The following LARS2 variants were observed in gnomAD, a reference collection of about 807,000 sequenced individuals.
The protein encoded by LARS2 is leucine--tRNA ligase, mitochondrial.
A neutral mutation model predicts 116.6 loss-of-function variants in LARS2; 81 were observed. That is an observed-to-expected ratio of 0.69 (90% CI 0.58 to 0.84). The LOEUF is 0.84. Ranked by LOEUF, LARS2 falls within the 40% of genes least tolerant of loss-of-function variation. The pLI, the probability that LARS2 is intolerant of heterozygous loss-of-function variation, is 0.00. For missense variants in LARS2, 968 were observed against 1,114.5 expected (o/e 0.87, Z 1.87); for synonymous variants, 396 against 407.2 (o/e 0.97, Z 0.33).
At chr3:45,392,866 A>C (rs1697979634) in intron 2 of LARS2, among the ~76,000 whole-genome samples, 1 of 152,200 alleles carries the variant, frequency 6.6e-6, no homozygotes, top group South Asian at 2.1e-4. Context: ...ATCAGCTTAG[A>C]GTGCCGGGTT....
At position 45,547,438 on chromosome 3, in the gene LARS2, G is replaced by A. The variant is rs142215302; in HGVS notation, c.2620G>A (p.Glu874Lys). The part of the protein sequence containing the change: ...DKVHEFVLQS[E>K]LGVRLLQGRS... ...AGTCCACGAATTTGTTCTTCAAAGCGAGCTGGGTGTCAGGCTTTTGCAAGG... is the reference window on the plus strand; with the variant it reads ...AGTCCACGAATTTGTTCTTCAAAGCAAGCTGGGTGTCAGGCTTTTGCAAGG... The change falls in exon 22 of 22, where the codon GAG (glutamate) becomes AAG (lysine). Residue 874 changes from glutamate (E) to lysine (K), a missense_variant. Physicochemically the swap from Glu to Lys is moderately conservative, Grantham distance 56. Coordinates refer to ENST00000645846, the MANE Select transcript of LARS2 (RefSeq NM_015340.4). The A allele has an allele frequency of 2.0e-4, 321 of 1,613,854 alleles. 1 individual carries two copies. The Middle Eastern group carries it at 5.6e-3, about 28-fold the overall frequency.
intron 15 of LARS2, chr3:45,509,600 A>T (rs1700253053): frequency 6.6e-6 from 1 of 152,074 alleles, no homozygotes; most frequent in African/African-American, 2.4e-5. Context: ...GTACCCAATT[A>T]TCATGTAAAT....
intron 13 of LARS2, among the ~76,000 whole-genome samples, chr3:45,494,976 G>A (rs1180890403): frequency 6.6e-6 from 1 of 152,188 alleles, no homozygotes; most frequent in Non-Finnish European, 1.5e-5. Flanking sequence ...GCTGAGGCAG[G>A]AGAATTGCTT....
At chr3:45,516,510 G>C (rs1471791989) in intron 17 of LARS2, among the ~76,000 whole-genome samples, 2 of 152,208 alleles carry the variant, frequency 1.3e-5, no homozygotes, top group Non-Finnish European at 2.9e-5. Flanking sequence ...AGATTCCAGT[G>C]CTCCGCCCAT....
chr3:45,447,025 T>C (rs1575260794), intron 7 of LARS2, 45 bp downstream of exon 7: 1 of 1,149,598 alleles, frequency 8.7e-7, no homozygotes, highest in Non-Finnish European at 1.3e-6. Context: ...TGAATCTCTT[T>C]AGGATACATC....
chr3:45,536,088 A>G (rs1308522949), intron 20 of LARS2, among the ~76,000 whole-genome samples: 2 of 152,046 alleles, frequency 1.3e-5, no homozygotes, highest in Non-Finnish European at 2.9e-5. Flanking sequence ...GGGAGGAAGG[A>G]ATTTATTTCC....
intron 6 of LARS2, among the ~76,000 whole-genome samples, chr3:45,430,369 C>T (rs1372775002): frequency 2.0e-5 from 3 of 150,872 alleles, no homozygotes; most frequent in East Asian, 2.0e-4. Flanking sequence ...AGCTCAGCCT[C>T]CCAGGTTCAC....
At chr3:45,484,687 A>T (rs533847039) in intron 10 of LARS2, among the ~76,000 whole-genome samples, 38 of 133,048 alleles carry the variant, frequency 2.9e-4, no homozygotes, top group African/African-American at 9.8e-4. Context: ...ATACAATGTA[A>T]TAGAATTATT....
chr3:45,512,011 G>A (rs1298606589), intron 15 of LARS2, among the ~76,000 whole-genome samples: 1 of 151,992 alleles, frequency 6.6e-6, no homozygotes, highest in Non-Finnish European at 1.5e-5. Context: ...TTGAGCTCAG[G>A]CAATCCACCT....
intron 4 of LARS2, among the ~76,000 whole-genome samples, chr3:45,400,837 G>A (rs560756899): frequency 1.7e-4 from 26 of 150,786 alleles, no homozygotes; most frequent in South Asian, 6.3e-4. Context: ...TTTTTGAGGC[G>A]GAGTCTTGCT....
At position 45,474,275 on chromosome 3, in the gene LARS2, A is replaced by G. The variant is rs563738410; in HGVS notation, c.783A>G (p.Glu261=). ...AGGACGCGTTGGCAGACCTTCCAGAATGGTATGGAATAAAAGGCATGCAAG... is the reference window on the plus strand; with the variant it reads ...AGGACGCGTTGGCAGACCTTCCAGAGTGGTATGGAATAAAAGGCATGCAAG... The part of the protein sequence containing the change: ...AMQDALADLP[E]WYGIKGMQAH... The change falls in exon 9 of 22, where the codon GAA becomes GAG. Residue 261 remains glutamate (E), a synonymous_variant. Coordinates refer to ENST00000645846, the MANE Select transcript of LARS2 (RefSeq NM_015340.4). 9 of 1,611,476 alleles carry G rather than the reference A, an allele frequency of 5.6e-6. No individual in the cohort carries two copies. The South Asian group carries it at 7.7e-5, about 14-fold the overall frequency.
chr3:45,467,167 G>A (rs4683115), intron 8 of LARS2, among the ~76,000 whole-genome samples: 124,164 of 152,102 alleles, frequency 0.82, 54,047 homozygotes, highest in East Asian at 0.98. Flanking sequence ...ATTTACTCCA[G>A]TGCTCTGTCC....
chr3:45,475,714 A>G (rs1699597952), intron 9 of LARS2, among the ~76,000 whole-genome samples: 1 of 152,250 alleles, frequency 6.6e-6, no homozygotes. Context: ...GAAGCATCTC[A>G]GTCCTACAGG....
At position 45,547,769 on chromosome 3, in the gene LARS2, GC is replaced by G; in HGVS notation, c.*243del. ...TACTGAGGAGGGGGTTGGACATCCT[GC>G]CCCTCACCCCCCACCCACACTGCAG... On this transcript the variant is annotated 3_prime_UTR_variant, in exon 22 of 22. Coordinates refer to ENST00000645846, the MANE Select transcript of LARS2 (RefSeq NM_015340.4). 2.3e-6 allele frequency: 1 copy of G among 425,628 alleles called. No individual in the cohort carries two copies. Among genetic ancestry groups the G allele is most frequent in the Non-Finnish European group, 4.2e-6 (1 of 239,414 alleles). The allele number at this position is 425,628 out of a possible 1,614,324, so 26.4% of individuals were successfully genotyped here.
At chr3:45,412,895 G>A (rs1313509887) in intron 4 of LARS2, among the ~76,000 whole-genome samples, 1 of 152,244 alleles carries the variant, frequency 6.6e-6, no homozygotes, top group Non-Finnish European at 1.5e-5. Flanking sequence ...GGCAATTGGA[G>A]GCAGGCCCCA....
At chr3:45,528,135 A>G (rs1700559197) in intron 20 of LARS2, among the ~76,000 whole-genome samples, 2 of 152,192 alleles carry the variant, frequency 1.3e-5, no homozygotes, top group South Asian at 4.1e-4. Flanking sequence ...CCAAGAGTTC[A>G]AGACCAGCTT....
chr3:45,535,757 C>CAA (rs1700694520), intron 20 of LARS2, among the ~76,000 whole-genome samples: 1 of 50,782 alleles, frequency 2.0e-5, no homozygotes, highest in Non-Finnish European at 7.6e-5. Context: ...CACACACACA[C>CAA]ACACACACAC....
At chr3:45,450,785 G>C (rs954699444) in intron 7 of LARS2, among the ~76,000 whole-genome samples, 5 of 152,038 alleles carry the variant, frequency 3.3e-5, no homozygotes, top group African/African-American at 9.7e-5. Flanking sequence ...AATTTTACAA[G>C]GAACCACCTT....
chr3:45,484,649 T>TATA (rs36044906), intron 10 of LARS2, among the ~76,000 whole-genome samples: 2 of 37,460 alleles, frequency 5.3e-5, no homozygotes, highest in Admixed American at 4.9e-4. Context: ...ATATATATAT[T>TATA]TAAAATAAGA....
Sources: allele counts gnomAD v4.1 joint callset (sites outside exome capture counted in the v4.1 genomes callset), GRCh38; gene constraint gnomAD v4.1.1; transcripts MANE v1.5; gene names NCBI Gene and HGNC (gene_info 2026-07-23, HGNC 2026-07-21).